The following RGN variants were observed in gnomAD, a reference collection of about 807,000 sequenced individuals.
The protein encoded by RGN is epididymis secretory protein Li 41.
Under a neutral mutation model 20.6 loss-of-function variants are expected in RGN, and 19 were observed. The observed-to-expected ratio is 0.92, with a 90% CI of 0.64 to 1.35. The LOEUF (loss-of-function observed/expected upper bound fraction) is 1.35. RGN is among the 40% of genes most tolerant of loss of function. RGN has a pLI of 0.00. For synonymous variants in RGN, 85 were observed against 87.2 expected (o/e 0.97, Z 0.14); for missense variants, 302 against 232.7 (o/e 1.30, Z -1.94).
At chrX:47,091,151 G>A (rs1930998847) in intron 5 of RGN, among the ~76,000 whole-genome samples, 2 of 110,628 alleles carry the variant, frequency 1.8e-5, no homozygotes, top group Admixed American at 1.9e-4. Flanking sequence ...CCCCTTTAAG[G>A]GCACCTAGTT....
chrX:47,085,290 C>G (rs1169225650), intron 4 of RGN, among the ~76,000 whole-genome samples: 1 of 111,285 alleles, frequency 9.0e-6, no homozygotes, highest in South Asian at 3.8e-4. Context: ...AAGGCCGAGG[C>G]GGGCAGATCA....
intron 4 of RGN, among the ~76,000 whole-genome samples, chrX:47,085,850 G>T (rs1195099222): frequency 2.7e-5 from 3 of 111,722 alleles, no homozygotes; most frequent in African/African-American, 9.8e-5. Context: ...AAATGCTGCA[G>T]TGTGAATTTC....
At chrX:47,086,441 G>A (rs1195817372) in intron 4 of RGN, among the ~76,000 whole-genome samples, 1 of 111,196 alleles carries the variant, frequency 9.0e-6, no homozygotes, top group African/African-American at 3.3e-5. Context: ...AAATTACCCT[G>A]AAACTTAGAG....
intron 5 of RGN, among the ~76,000 whole-genome samples, chrX:47,090,828 A>T (rs1930911096): frequency 9.7e-6 from 1 of 103,260 alleles, no homozygotes; most frequent in East Asian, 3.0e-4. Flanking sequence ...GCGCCACTGT[A>T]CTCCTGCCTG....
chrX:47,084,497 C>T lies in RGN; in HGVS notation c.243C>T (p.Asn81=). The T allele has an allele frequency of 8.3e-7, 1 of 1,205,718 alleles. No homozygotes were observed. Among genetic ancestry groups the T allele is most frequent in the Non-Finnish European group, 1.1e-6 (1 of 891,923 alleles). ...TTGGAACAAAGTTCTGTGCTTTGAACTGGAAAGAACAATCAGCAGTTGTCT... is the reference window on the plus strand; with the variant it reads ...TTGGAACAAAGTTCTGTGCTTTGAATTGGAAAGAACAATCAGCAGTTGTCT... ...ATIGTKFCAL[N]WKEQSAVVLA... Residue 81 remains asparagine, a synonymous_variant, in exon 4 of 8, where the codon AAC becomes AAT. Transcript: ENST00000397180.
chrX:47,088,627 C>T (rs1569540414), intron 4 of RGN, among the ~76,000 whole-genome samples: 1 of 109,812 alleles, frequency 9.1e-6, no homozygotes, highest in Non-Finnish European at 1.9e-5. Flanking sequence ...ATTATGAGGC[C>T]CTGAGTCTTG....
rs1930132822 is a variant in RGN at position 47,078,543 on chromosome X, GGCCCGTTCAGCCGGGCTGGCTGGTGC to G, written c.-797_-772del. ...TGCTCTGTGCCCACCCGGGGACCCG[GGCCCGTTCAGCCGGGCTGGCTGGTGC>G]GCCCTCTGCAAAGCCTGCGCCAGGG... On this transcript the variant is annotated 5_prime_UTR_variant, in exon 1 of 8. Coordinates refer to ENST00000397180, the MANE Select transcript of RGN (RefSeq NM_152869.4). 8.8e-6 allele frequency: 1 copy of G among 113,192 alleles called. No homozygotes were observed. The highest frequency in any genetic ancestry group is 3.6e-4 in the South Asian group (1 of 2,768). 9.3% of individuals were successfully genotyped at this position (113,192 alleles called of 1,213,427 possible).
intron 3 of RGN, among the ~76,000 whole-genome samples, chrX:47,081,827 G>A (rs1021382530): frequency 3.6e-5 from 4 of 112,334 alleles, no homozygotes; most frequent in Non-Finnish European, 7.5e-5. Flanking sequence ...GATTACAAGC[G>A]TGAGCTACCA....
In RGN at chrX:47,092,036, T is replaced by A. The variant is rs782609249; in HGVS notation, c.695-25T>A. The A allele has an allele frequency of 2.5e-6, 3 of 1,188,686 alleles. No homozygotes were observed. The African/African-American group carries it at 5.3e-5, about 21-fold the overall frequency. ...GGTTGGAAATTGCTACAACTAAACT[T>A]AAAATAAAATATTTGGTGGTCTAGG... On this transcript the variant is annotated intron_variant, in intron 6 of 7. Transcript: ENST00000397180.
At position 47,091,107 on chromosome X, in the gene RGN, TTTTGATA is replaced by T. The variant is rs200065365; in HGVS notation, c.563-566_563-560del. Among the ~76,000 whole-genome samples, 266 of 110,826 alleles carry T rather than the reference TTTTGATA, an allele frequency of 2.4e-3. 1 individual carries two copies. Among genetic ancestry groups the T allele is most frequent in the African/African-American group, 8.3e-3 (254 of 30,493 alleles). ...GGACTTTGTAGTATAAAGTTTTGGATTTTGATATTTGTTTTTTGTATACCACGGTTAC... is the reference window on the plus strand; with the variant it reads ...GGACTTTGTAGTATAAAGTTTTGGATTTTGTTTTTTGTATACCACGGTTAC... On this transcript the variant is annotated intron_variant, in intron 5 of 7. Transcript: ENST00000397180.
chrX:47,088,196 G>A (rs997943836), intron 4 of RGN, among the ~76,000 whole-genome samples: 3 of 107,098 alleles, frequency 2.8e-5, no homozygotes, highest in African/African-American at 1.0e-4. Context: ...GGATTCTCAA[G>A]GTGATCGCAC....
Position 47,089,952 on chromosome X carries a change from G to T in RGN, c.523G>T (p.Val175Leu). Residue 175 changes from valine (V) to leucine (L), a missense_variant, in exon 5 of 8, where the codon GTG becomes TTG. Coordinates refer to ENST00000397180, the MANE Select transcript of RGN (RefSeq NM_152869.4). ...FYYIDSLSYS[V>L]DAFDYDLQTG... ...TTACATTGACAGCCTGTCCTACTCCGTGGATGCCTTTGACTATGACCTGCA... is the reference window on the plus strand; with the variant it reads ...TTACATTGACAGCCTGTCCTACTCCTTGGATGCCTTTGACTATGACCTGCA... The T allele has an allele frequency of 8.3e-7, 1 of 1,206,358 alleles. No homozygotes were observed. Among genetic ancestry groups the T allele is most frequent in the Non-Finnish European group, 1.1e-6 (1 of 892,010 alleles).
At chrX:47,082,552 A>G (rs903095215) in intron 3 of RGN, among the ~76,000 whole-genome samples, 13 of 110,684 alleles carry the variant, frequency 1.2e-4, no homozygotes, top group Non-Finnish European at 1.9e-5. Flanking sequence ...GGCTCAAGCA[A>G]TCCTCCTGCC....
rs1315574323 is a variant in RGN, at chrX:47,084,745, G to A, written c.346+145G>A. The A allele has an allele frequency of 1.5e-5, 7 of 465,219 alleles. No individual in the cohort carries two copies. In the East Asian group the frequency reaches 2.8e-4, roughly 19 times the overall value. The allele number at this position is 465,219 out of a possible 1,213,427, so 38.3% of individuals were successfully genotyped here. A position where few individuals can be genotyped will look rare whatever the true frequency, so the allele number is the denominator to read the frequency against. On this transcript the variant is annotated intron_variant, in intron 4 of 7. Coordinates refer to ENST00000397180, the MANE Select transcript of RGN (RefSeq NM_152869.4). ...AAGGCGAGTAGGTCGCATGAGCCCA[G>A]GAGTTCGATAACTGCCTGGGCAACA... is the stretch of plus-strand genomic sequence containing the variant.
At chrX:47,088,946 AAG>A (rs1395477635) in intron 4 of RGN, among the ~76,000 whole-genome samples, 2 of 81,276 alleles carry the variant, frequency 2.5e-5, no homozygotes, top group African/African-American at 9.6e-5. Context: ...AAAAAAAAAA[AAG>A]AAGAAGAAGA....
rs182253868 is a variant in RGN at position 47,081,695 on chromosome X, C to T, written c.163+388C>T. On this transcript the variant is annotated intron_variant, in intron 3 of 7. Coordinates refer to ENST00000397180, the MANE Select transcript of RGN (RefSeq NM_152869.4). ...TCCCTAGTAGCTGTGACTACAGGTG[C>T]GTGCCACTATGTCCAGCTAGTTTGT... is the stretch of plus-strand genomic sequence containing the variant. 2.5e-3 allele frequency among the ~76,000 whole-genome samples: 275 copies of T among 110,642 alleles called. 2 individuals are homozygous for T. Among genetic ancestry groups the T allele is most frequent in the Non-Finnish European group, 4.3e-3 (226 of 52,846 alleles).
intron 4 of RGN, among the ~76,000 whole-genome samples, chrX:47,085,935 C>A (rs1930568156): frequency 8.9e-6 from 1 of 112,305 alleles, no homozygotes; most frequent in African/African-American, 3.2e-5. Flanking sequence ...TTGACACAGT[C>A]ATTTTATCTG....
intron 4 of RGN, among the ~76,000 whole-genome samples, chrX:47,085,735 T>C (rs184139230): frequency 1.8e-5 from 2 of 111,420 alleles, no homozygotes; most frequent in Admixed American, 1.9e-4. Flanking sequence ...CTCACACCTC[T>C]TCCTCCCAAG....
At position 47,084,576 on chromosome X, in the gene RGN, G is replaced by A; in HGVS notation, c.322G>A (p.Asp108Asn). The change falls in exon 4 of 8, where the codon GAT (aspartate) becomes AAT (asparagine). Residue 108 changes from aspartate to asparagine, a missense_variant. By Grantham distance (23) the Asp-to-Asn change is conservative. Transcript: ENST00000397180. ...KNNRFNDGKV[D>N]PAGRYFAGTM... is the part of the protein sequence containing the mutation. ...CAATCGCTTCAATGATGGGAAGGTG[G>A]ATCCCGCCGGGAGGTACTTTGCTGG... 2 of 1,193,552 alleles carry A rather than the reference G, an allele frequency of 1.7e-6. No individual in the cohort carries two copies. Among genetic ancestry groups the A allele is most frequent in the Non-Finnish European group, 2.3e-6 (2 of 885,396 alleles).
Sources: allele counts gnomAD v4.1 joint callset (sites outside exome capture counted in the v4.1 genomes callset), GRCh38; gene constraint gnomAD v4.1.1; transcripts MANE v1.5; gene names NCBI Gene and HGNC (gene_info 2026-07-23, HGNC 2026-07-21).